RCC1L: variants seen among roughly 807,000 people sequenced by gnomAD.
RCC1L encodes the protein RCC1 like, also known as RCC1-like G exchanging factor-like protein.
In RCC1L, 46 loss-of-function variants were observed where a neutral mutation model predicts 58.6. The observed-to-expected ratio is 0.79, with a 90% CI of 0.62 to 1.00. The LOEUF is 1.00. Among genes scored for constraint, RCC1L ranks in the 50% least tolerant of loss-of-function variants. RCC1L has a pLI of 0.00. For missense variants in RCC1L, 636 were observed against 623.6 expected (o/e 1.02, Z -0.21); for synonymous variants, 281 against 262.9 (o/e 1.07, Z -0.67).
In RCC1L at chr7:75,042,917, G is replaced by T; in HGVS notation, c.*115C>A. ...TTCAGGACAGAGCGTCACACTGCAC[G>T]CAGGGTCCTCCGCCACCACCATCCA... is the stretch of plus-strand genomic sequence containing the variant. On this transcript the variant is annotated 3_prime_UTR_variant, in exon 11 of 11. Transcript: ENST00000610322. 3 of 1,564,414 alleles carry T rather than the reference G, an allele frequency of 1.9e-6. No homozygotes were observed. Among genetic ancestry groups the T allele is most frequent in the East Asian group, 2.3e-5 (1 of 43,528 alleles).
intron 3 of RCC1L, 47 bp from the exon 4 acceptor site, chr7:75,064,695 T>A: frequency 6.2e-7 from 1 of 1,605,270 alleles, no homozygotes; most frequent in Non-Finnish European, 8.5e-7. Context: ...GTTTGTGGGA[T>A]CCTAGAATGT....
intron 8 of RCC1L, chr7:75,056,422 C>T: frequency 8.7e-7 from 1 of 1,151,696 alleles, no homozygotes; most frequent in Non-Finnish European, 1.2e-6. Flanking sequence ...ATGTTTTCTC[C>T]CCCTAATGAC....
chr7:75,057,746 A>C (rs1806127522), intron 7 of RCC1L, 130 bp from the exon 8 acceptor site: 4 of 833,684 alleles, frequency 4.8e-6, no homozygotes, highest in African/African-American at 3.4e-5. Flanking sequence ...CCTGAACATC[A>C]CATGCCAAGC....
chr7:75,037,383 T>A (rs1302045277), downstream of RCC1L, among the ~76,000 whole-genome samples: 1 of 151,422 alleles, frequency 6.6e-6, no homozygotes, highest in Non-Finnish European at 1.5e-5. Context: ...GAGACGGTGT[T>A]TCACCATGTT....
chr7:75,071,499 A>G (rs1806725690), intron 1 of RCC1L, among the ~76,000 whole-genome samples: 1 of 152,142 alleles, frequency 6.6e-6, no homozygotes, highest in South Asian at 2.1e-4. Context: ...TACAAAAATT[A>G]GCTAGGCATG....
chr7:75,073,727 A>G lies in RCC1L; in HGVS notation c.11T>C (p.Val4Ala). 2.0e-6 allele frequency: 3 copies of G among 1,504,364 alleles called. No homozygotes were observed. The highest frequency in any genetic ancestry group is 2.6e-6 in the Non-Finnish European group (3 of 1,133,494). 93.2% of individuals were successfully genotyped at this position (1,504,364 alleles called of 1,614,324 possible). MAL[V>A]ALVAGARLGR... ...CAGCCGAGCCCCAGCCACCAACGCC[A>G]CCAGCGCCATCCTCCGTTCCGCGCC... The change falls in exon 1 of 11, where the codon GTG (valine) becomes GCG (alanine). Residue 4 changes from valine (V) to alanine (A), a missense_variant. Coordinates refer to ENST00000610322, the MANE Select transcript of RCC1L (RefSeq NM_030798.5).
At chr7:75,060,650 C>G (rs1019084033) in intron 6 of RCC1L, among the ~76,000 whole-genome samples, 1 of 152,140 alleles carries the variant, frequency 6.6e-6, no homozygotes, top group African/African-American at 2.4e-5. Flanking sequence ...AAGCTGGTCT[C>G]AAACTCCTGA....
chr7:75,027,687 C>T (rs937008081), exon 11 of RCC1L: 4 of 361,378 alleles, frequency 1.1e-5, no homozygotes, highest in Non-Finnish European at 2.1e-5. Flanking sequence ...TTCAAGCCCG[C>T]TCCGTGGGAG....
At chr7:75,032,633 C>T (rs2131967359) in intron 10 of RCC1L, among the ~76,000 whole-genome samples, 1 of 152,256 alleles carries the variant, frequency 6.6e-6, no homozygotes, top group South Asian at 2.1e-4. Context: ...TCACCCTTGG[C>T]CCACAGGAAG....
At chr7:75,056,244 T>C (rs1806077933) in intron 8 of RCC1L, among the ~76,000 whole-genome samples, 170 bp from the exon 9 acceptor site, 1 of 152,132 alleles carries the variant, frequency 6.6e-6, no homozygotes, top group Admixed American at 6.6e-5. Flanking sequence ...GACAGAGATT[T>C]AGAATAATAA....
intron 10 of RCC1L, among the ~76,000 whole-genome samples, chr7:75,052,475 T>C (rs1805942134): frequency 6.6e-6 from 1 of 152,212 alleles, no homozygotes; most frequent in Admixed American, 6.5e-5. Context: ...CCAAGAAGCC[T>C]GGTGTCACTC....
rs1445887475 is a variant in RCC1L, at chr7:75,032,982, GA to G, written c.1318-4904del. Among the ~76,000 whole-genome samples the G allele has an allele frequency of 5.3e-4, 77 of 144,720 alleles. 1 individual carries two copies. Among genetic ancestry groups the G allele is most frequent in the Admixed American group, 2.4e-3 (33 of 13,688 alleles). 94.9% of individuals were successfully genotyped at this position (144,720 alleles called of 152,430 possible). ...AGCTACTTGGGAGGCTGAGGCAGGA[GA>G]ATGGCTTGAATCCGGGAGGTGGAGG... On this transcript the variant is annotated intron_variant, in intron 10 of 10. Coordinates refer to the RCC1L transcript ENST00000614461.
chr7:75,028,396 C>T (rs968782334), intron 10 of RCC1L, among the ~76,000 whole-genome samples: 67 of 152,268 alleles, frequency 4.4e-4, no homozygotes, highest in African/African-American at 1.5e-3. Context: ...GCTGGGATTA[C>T]AGGCATGAGC....
chr7:75,064,516 C>A lies in RCC1L; in HGVS notation c.650+66G>T. 1.9e-6 allele frequency: 3 copies of A among 1,588,896 alleles called. No individual in the cohort carries two copies. In the South Asian group the frequency reaches 3.3e-5, roughly 18 times the overall value. ...GACCGCCCCGCGGGTTTACCACAGT[C>A]ATCTCCCTAGAAATGTTTTGACACT... is the stretch of plus-strand genomic sequence containing the variant. On this transcript the variant is annotated intron_variant, in intron 4 of 10. Transcript: ENST00000610322.
chr7:75,046,076 C>T (rs1025638223), intron 10 of RCC1L, among the ~76,000 whole-genome samples: 90 of 152,338 alleles, frequency 5.9e-4, no homozygotes, highest in Middle Eastern at 3.4e-3. Flanking sequence ...GCGCCGACCC[C>T]GGAGCTTTGC....
rs1164839977 is a variant in RCC1L, at chr7:75,070,662, A to T, written c.432T>A (p.Phe144Leu). 6.2e-7 allele frequency: 1 copy of T among 1,614,098 alleles called. No individual in the cohort carries two copies. The highest frequency in any genetic ancestry group is 1.6e-4 in the Middle Eastern group (1 of 6,062). Reference sequence around the variant, plus strand: ...CACTTTTATCTTTCCGGCTCCTGTGAAATCCAAGCTGAGAATCTTTGTTGA... The same window carrying T: ...CACTTTTATCTTTCCGGCTCCTGTGTAATCCAAGCTGAGAATCTTTGTTGA... Reference protein sequence around the residue: ...MGLNKDSQLGFHRSRKDKTRG... With the variant: ...MGLNKDSQLGLHRSRKDKTRG... The change falls in exon 2 of 11, where the codon TTT (phenylalanine) becomes TTA (leucine). Residue 144 changes from phenylalanine to leucine, a missense_variant. Phe to Leu is a conservative substitution (Grantham distance 22, BLOSUM62 0). Transcript: ENST00000610322.
chr7:75,056,142 A>C lies in RCC1L; in HGVS notation c.1058-68T>G. 2.5e-6 allele frequency: 4 copies of C among 1,575,560 alleles called. No homozygotes were observed. In the Admixed American group the frequency reaches 5.0e-5, roughly 20 times the overall value. Reference sequence around the variant, plus strand: ...AAGAACCTCCCTCACCAGAAACTCAAACTACACCACCAAGGTTTATGACAT... The same window carrying C: ...AAGAACCTCCCTCACCAGAAACTCACACTACACCACCAAGGTTTATGACAT... On this transcript the variant is annotated intron_variant, in intron 8 of 10. Transcript: ENST00000610322.
At chr7:75,067,651 T>TA (rs1247239669) in intron 2 of RCC1L, among the ~76,000 whole-genome samples, 1 of 151,248 alleles carries the variant, frequency 6.6e-6, no homozygotes, top group Non-Finnish European at 1.5e-5. Context: ...AATACAAAAA[T>TA]ACAAAAATCA....
chr7:75,040,601 C>T (rs988858672), downstream of RCC1L, among the ~76,000 whole-genome samples: 10 of 152,110 alleles, frequency 6.6e-5, no homozygotes, highest in Admixed American at 2.0e-4. Context: ...CAGTGTGACC[C>T]GGGTCTGACC....
Sources: allele counts gnomAD v4.1 joint callset (sites outside exome capture counted in the v4.1 genomes callset), GRCh38; gene constraint gnomAD v4.1.1; transcripts MANE v1.5; gene names NCBI Gene and HGNC (gene_info 2026-07-23, HGNC 2026-07-21).